RFC3: variants seen among roughly 807,000 people sequenced by gnomAD.
RFC3 encodes the protein A1 38 kDa subunit.
A neutral mutation model predicts 45.1 loss-of-function variants in RFC3; 41 were observed. The observed-to-expected ratio is 0.91, with a 90% CI of 0.71 to 1.18. The LOEUF (loss-of-function observed/expected upper bound fraction) is 1.18, where lower values mean the gene tolerates loss of function less well. Ranked by LOEUF, RFC3 falls within the 50% of genes most tolerant of loss-of-function variation. RFC3 has a pLI of 0.00. For missense variants in RFC3, 423 were observed against 428.1 expected (o/e 0.99, Z 0.10); for synonymous variants, 149 against 144.0 (o/e 1.03, Z -0.25).
Position 33,818,247 on chromosome 13 carries a change from G to T in RFC3, c.69G>T (p.Ala23=). ...LGRLDYHKEQ[A]AQLRNLVQCG... ...GGCTGGACTATCACAAGGAGCAGGCGGCCCAGCTGCGGAACCTGGTGAGTC... is the reference window on the plus strand; with the variant it reads ...GGCTGGACTATCACAAGGAGCAGGCTGCCCAGCTGCGGAACCTGGTGAGTC... The change falls in exon 1 of 9, where the codon GCG becomes GCT. Residue 23 remains alanine (A), a synonymous_variant. Transcript: ENST00000380071. The T allele has an allele frequency of 1.2e-6, 2 of 1,613,330 alleles. No homozygotes were observed. The highest frequency in any genetic ancestry group is 1.7e-6 in the Non-Finnish European group (2 of 1,179,784).
At position 33,917,848 on chromosome 13, in the gene RFC3, T is replaced by C. The variant is rs186182884; in HGVS notation, c.880-48239T>C. 1.1e-3 allele frequency among the ~76,000 whole-genome samples: 170 copies of C among 152,114 alleles called. 1 individual carries two copies. Among genetic ancestry groups the C allele is most frequent in the African/African-American group, 3.8e-3 (156 of 41,498 alleles). On this transcript the variant is annotated intron_variant, in intron 8 of 8. Transcript: ENST00000434425. ...AGAGCACACAGACAATCCACTTGAA[T>C]TTTGTTTAAAAAAAAACAAACAAAC...
chr13:33,931,601 C>CT (rs2082852683), intron 8 of RFC3, among the ~76,000 whole-genome samples: 1 of 151,816 alleles, frequency 6.6e-6, no homozygotes, highest in Admixed American at 6.6e-5. Context: ...ATAATGTTAC[C>CT]TCCAGGGGGT....
intron 8 of RFC3, among the ~76,000 whole-genome samples, chr13:33,948,682 G>T (rs1019341886): frequency 1.2e-4 from 19 of 152,334 alleles, no homozygotes; most frequent in Admixed American, 6.5e-4. Flanking sequence ...GGCCATGGGA[G>T]CCTACCTCTT....
intron 8 of RFC3, among the ~76,000 whole-genome samples, chr13:33,857,243 C>T (rs952898572): frequency 3.3e-5 from 5 of 152,110 alleles, no homozygotes; most frequent in Admixed American, 6.6e-5. Flanking sequence ...AATCTCATTG[C>T]GGAATCTCTG....
At chr13:33,960,508 A>G (rs1178273219) in intron 8 of RFC3, among the ~76,000 whole-genome samples, 1 of 152,226 alleles carries the variant, frequency 6.6e-6, no homozygotes, top group Non-Finnish European at 1.5e-5. Flanking sequence ...GCCAGTGTTA[A>G]CCTACCTTCC....
At chr13:33,893,786 A>C (rs1419160591) in intron 8 of RFC3, among the ~76,000 whole-genome samples, 1 of 152,106 alleles carries the variant, frequency 6.6e-6, no homozygotes, top group African/African-American at 2.4e-5. Flanking sequence ...AGCAGAAGAA[A>C]GAATCAGTCA....
intron 8 of RFC3, among the ~76,000 whole-genome samples, chr13:33,913,155 A>G (rs955967676): frequency 1.4e-4 from 21 of 152,134 alleles, no homozygotes; most frequent in Admixed American, 5.9e-4. Context: ...ATATCAGTGT[A>G]TGTATGTAAA....
intron 8 of RFC3, among the ~76,000 whole-genome samples, chr13:33,908,646 ACACG>A (rs2082686457): frequency 1.5e-5 from 2 of 136,714 alleles, no homozygotes; most frequent in East Asian, 2.2e-4. Context: ...ACACACACAC[ACACG>A]CTTTAATATG....
chr13:33,959,167 T>C (rs947960436), intron 8 of RFC3, among the ~76,000 whole-genome samples: 1 of 152,134 alleles, frequency 6.6e-6, no homozygotes, highest in Admixed American at 6.5e-5. Flanking sequence ...TAAATGTCTC[T>C]TGTGTTAAAT....
At chr13:33,934,110 TTTGAGC>T (rs1311814258) in intron 8 of RFC3, among the ~76,000 whole-genome samples, 1 of 151,332 alleles carries the variant, frequency 6.6e-6, no homozygotes, top group African/African-American at 2.4e-5. Context: ...AGCTCAGGAG[TTTGAGC>T]TTGAGCTCAG....
chr13:33,859,147 CAAA>C (rs1338048368), intron 8 of RFC3, among the ~76,000 whole-genome samples: 1 of 152,136 alleles, frequency 6.6e-6, no homozygotes, highest in Non-Finnish European at 1.5e-5. Context: ...TTTTGAGACT[CAAA>C]AATAACCTTT....
At chr13:33,949,022 T>C (rs756459672) in intron 8 of RFC3, among the ~76,000 whole-genome samples, 1 of 152,132 alleles carries the variant, frequency 6.6e-6, no homozygotes, top group Non-Finnish European at 1.5e-5. Context: ...GATTGTGTTT[T>C]GAAATGTGAG....
intron 8 of RFC3, among the ~76,000 whole-genome samples, chr13:33,932,289 G>T (rs1287016236): frequency 6.6e-6 from 1 of 152,002 alleles, no homozygotes; most frequent in African/African-American, 2.4e-5. Flanking sequence ...AGTAATTTTT[G>T]TCTATTTATT....
chr13:33,975,124 A>G, the RFC3 span, among the ~76,000 whole-genome samples: 1 of 152,218 alleles, frequency 6.6e-6, no homozygotes, highest in African/African-American at 2.4e-5. Flanking sequence ...AATCACCTCA[A>G]ACTGAAAGTA....
At chr13:33,834,625 T>C (rs2082136534) in intron 7 of RFC3, among the ~76,000 whole-genome samples, 1 of 152,038 alleles carries the variant, frequency 6.6e-6, no homozygotes, top group African/African-American at 2.4e-5. Context: ...GGCAGTGGCA[T>C]TGTATTATAT....
chr13:33,829,690 T>G, intron 4 of RFC3, 146 bp from the exon 5 acceptor site: 1 of 675,908 alleles, frequency 1.5e-6, no homozygotes, highest in Non-Finnish European at 2.6e-6. Flanking sequence ...TTTACCATAC[T>G]TATAACTTTA....
intron 8 of RFC3, among the ~76,000 whole-genome samples, chr13:33,945,302 AG>A (rs1309859127): frequency 6.6e-6 from 1 of 152,246 alleles, no homozygotes; most frequent in Non-Finnish European, 1.5e-5. Flanking sequence ...ATATTCATAT[AG>A]TACTTAGCAC....
intron 8 of RFC3, among the ~76,000 whole-genome samples, chr13:33,919,883 C>T (rs564268783): frequency 1.3e-5 from 2 of 152,184 alleles, no homozygotes; most frequent in African/African-American, 4.8e-5. Flanking sequence ...ATTAATTGTG[C>T]ATACTTAACC....
At chr13:33,943,211 A>G (rs1477457661) in intron 8 of RFC3, among the ~76,000 whole-genome samples, 1 of 152,200 alleles carries the variant, frequency 6.6e-6, no homozygotes, top group African/African-American at 2.4e-5. Flanking sequence ...TTGCCTCAGA[A>G]ATAGACCTAG....
Sources: allele counts gnomAD v4.1 joint callset (sites outside exome capture counted in the v4.1 genomes callset), GRCh38; gene constraint gnomAD v4.1.1; transcripts MANE v1.5; gene names NCBI Gene and HGNC (gene_info 2026-07-23, HGNC 2026-07-21).